Variants in CELF2 observed in about 807,000 individuals in gnomAD.
CELF2 encodes CUGBP Elav-like family member 2.
In CELF2, 8 loss-of-function variants were observed where a neutral mutation model predicts 62.6. The observed-to-expected ratio is 0.13, with a 90% CI of 0.07 to 0.23. CELF2 has a LOEUF of 0.23. Among genes scored for constraint, CELF2 ranks in the 10% least tolerant of loss-of-function variants. CELF2 has a pLI of 1.00. For synonymous variants in CELF2, 258 were observed against 250.0 expected, an observed-to-expected ratio of 1.03 and a Z score of -0.30; for missense variants, 333 against 671.0, an observed-to-expected ratio of 0.50 and a Z score of 5.56.
chr10:10,668,845 C>A, the CELF2 span, among the ~76,000 whole-genome samples: 1 of 152,100 alleles, frequency 6.6e-6, no homozygotes, highest in African/African-American at 2.4e-5. Flanking sequence ...GTAATCCCAG[C>A]TACTCAGGAG....
chr10:11,240,151 T>C (rs904742243), intron 3 of CELF2, among the ~76,000 whole-genome samples: 1 of 152,246 alleles, frequency 6.6e-6, no homozygotes, highest in Non-Finnish European at 1.5e-5. Flanking sequence ...TGCCATATAT[T>C]CTGCCTCCAT....
chr10:10,641,425 C>T, the CELF2 span, among the ~76,000 whole-genome samples: 1 of 151,978 alleles, frequency 6.6e-6, no homozygotes, highest in African/African-American at 2.4e-5. Context: ...TGTATTGCTA[C>T]AGAGGTTTTT....
the CELF2 span, among the ~76,000 whole-genome samples, chr10:10,667,700 A>G: frequency 2.0e-5 from 3 of 152,330 alleles, no homozygotes; most frequent in East Asian, 5.8e-4. Context: ...CTGCGCACAC[A>G]AATACCAGTC....
intron 1 of CELF2, among the ~76,000 whole-genome samples, chr10:10,818,007 A>G (rs2056627439): frequency 6.6e-6 from 1 of 152,170 alleles, no homozygotes; most frequent in South Asian, 2.1e-4. Flanking sequence ...AGCACCTAGC[A>G]CATGGTACTC....
chr10:11,124,812 A>G (rs951629498), intron 1 of CELF2, among the ~76,000 whole-genome samples: 12 of 152,318 alleles, frequency 7.9e-5, no homozygotes, highest in African/African-American at 2.6e-4. Context: ...ATATTCATAA[A>G]TTCTTCTGAT....
intron 1 of CELF2, among the ~76,000 whole-genome samples, chr10:11,086,730 T>C (rs2046928900): frequency 6.6e-6 from 1 of 152,012 alleles, no homozygotes; most frequent in African/African-American, 2.4e-5. Context: ...AATAGATAAC[T>C]TCACAAATCA....
At chr10:10,506,670 A>ATTTTTTT in the CELF2 span, among the ~76,000 whole-genome samples, 9,711 of 64,482 alleles carry the variant, frequency 0.15, 2,999 homozygotes, top group Non-Finnish European at 0.21. Flanking sequence ...CCTCCTGTGA[A>ATTTTTTT]TTTTTTTTTT....
intron 1 of CELF2, among the ~76,000 whole-genome samples, chr10:10,868,782 T>C (rs1416809520): frequency 1.3e-5 from 2 of 152,256 alleles, no homozygotes; most frequent in East Asian, 1.9e-4. Flanking sequence ...ATTTGTGATA[T>C]GTATACTTTT....
intron 7 of CELF2, among the ~76,000 whole-genome samples, chr10:11,272,067 CCCCAGTG>C (rs1173658764): frequency 3.3e-5 from 5 of 152,134 alleles, no homozygotes; most frequent in Admixed American, 6.5e-5. Flanking sequence ...GCTGCCCCAC[CCCCAGTG>C]CCCAGTGCCC....
rs1257537225 is a variant in CELF2 at position 10,983,857 on chromosome 10, G to A, written c.89+63858G>A. On this transcript the variant is annotated intron_variant, in intron 2 of 13. Transcript: ENST00000636488. This position sits in a 1 kb window ranked among gnomAD's most constrained non-coding sequence, Gnocchi z 5.2. ...TGGGATTACAGGCATGAGCTACCACGCCTGGCCGATATATCTGTTATTAAT... is the reference window on the plus strand; with the variant it reads ...TGGGATTACAGGCATGAGCTACCACACCTGGCCGATATATCTGTTATTAAT... Among the ~76,000 whole-genome samples, 1 of 152,176 alleles carries A rather than the reference G, an allele frequency of 6.6e-6. No homozygotes were observed. Among genetic ancestry groups the A allele is most frequent in the Non-Finnish European group, 1.5e-5 (1 of 68,020 alleles).
intron 3 of CELF2, among the ~76,000 whole-genome samples, chr10:11,245,961 C>T (rs1346128382): frequency 6.6e-6 from 1 of 152,156 alleles, no homozygotes; most frequent in Non-Finnish European, 1.5e-5. Flanking sequence ...CCAGCTCTGT[C>T]GTTAATCACC....
chr10:10,691,171 A>C, the CELF2 span, among the ~76,000 whole-genome samples: 3 of 146,488 alleles, frequency 2.0e-5, no homozygotes, highest in South Asian at 2.2e-4. Context: ...CCCACCCCAC[A>C]ACAGTCCCCA....
intron 1 of CELF2, among the ~76,000 whole-genome samples, chr10:11,100,204 AAAATAAAT>A (rs1285526409): frequency 6.6e-6 from 1 of 150,472 alleles, no homozygotes; most frequent in Non-Finnish European, 1.5e-5. Context: ...ACTCTGTCTC[AAAATAAAT>A]AAATAAATAA....
chr10:10,650,151 T>C, the CELF2 span, among the ~76,000 whole-genome samples: 2 of 152,210 alleles, frequency 1.3e-5, no homozygotes, highest in African/African-American at 4.8e-5. Context: ...TGTCCCTTCG[T>C]AGTATTTCAT....
the CELF2 span, among the ~76,000 whole-genome samples, chr10:10,676,482 T>C: frequency 4.6e-5 from 7 of 152,222 alleles, no homozygotes. Context: ...CCTCTCCCCA[T>C]GCCAGAAGCA....
At chr10:10,955,108 C>A (rs2048751219) in intron 2 of CELF2, among the ~76,000 whole-genome samples, 1 of 152,184 alleles carries the variant, frequency 6.6e-6, no homozygotes, top group African/African-American at 2.4e-5. Flanking sequence ...TTAAATTTGT[C>A]ATTCACCTCT....
At chr10:11,042,926 A>C (rs2062100431) in intron 1 of CELF2, among the ~76,000 whole-genome samples, 1 of 152,194 alleles carries the variant, frequency 6.6e-6, no homozygotes, top group African/African-American at 2.4e-5. Context: ...TTTGTTCCTC[A>C]GTTGATGGAC....
chr10:10,526,314 C>T, the CELF2 span, among the ~76,000 whole-genome samples: 2 of 152,208 alleles, frequency 1.3e-5, no homozygotes, highest in Admixed American at 1.3e-4. Context: ...AAACATTTCC[C>T]TGAAGATCTC....
chr10:10,802,277 C>T (rs570669450), intron 1 of CELF2, among the ~76,000 whole-genome samples: 5 of 152,178 alleles, frequency 3.3e-5, no homozygotes, highest in Admixed American at 6.5e-5. Flanking sequence ...CGAGACCATC[C>T]GGGCCGACAT....
Sources: allele counts gnomAD v4.1 joint callset (sites outside exome capture counted in the v4.1 genomes callset), GRCh38; gene constraint gnomAD v4.1.1; non-coding constraint Gnocchi (gnomAD v3.1); transcripts MANE v1.5; gene names NCBI Gene and HGNC (gene_info 2026-07-23, HGNC 2026-07-21).